EGLN3: variants seen among roughly 807,000 people sequenced by gnomAD.
EGLN3 encodes egl-9 family hypoxia inducible factor 3, also known as prolyl hydroxylase EGLN3.
Under a neutral mutation model 26.0 loss-of-function variants are expected in EGLN3, and 15 were observed. The observed-to-expected ratio is 0.58, with a 90% CI of 0.39 to 0.89. EGLN3 has a LOEUF of 0.89. EGLN3 is among the 40% of genes least tolerant of loss of function. The pLI is 0.00. For synonymous variants in EGLN3, 147 were observed against 127.2 expected (o/e 1.16, Z -1.05); for missense variants, 238 against 311.6 (o/e 0.76, Z 1.78).
At chr14:33,939,745 AG>A (rs2064469985) in intron 1 of EGLN3, among the ~76,000 whole-genome samples, 1 of 152,218 alleles carries the variant, frequency 6.6e-6, no homozygotes, top group Non-Finnish European at 1.5e-5. Flanking sequence ...CGCATGAAGT[AG>A]GAACATTATC....
At chr14:33,933,144 G>A (rs183459954) in intron 1 of EGLN3, among the ~76,000 whole-genome samples, 2 of 152,254 alleles carry the variant, frequency 1.3e-5, no homozygotes, top group Admixed American at 1.3e-4. Context: ...AACTAACTGT[G>A]ATCCCAGGCT....
chr14:33,936,236 T>TATAAATAAATAAATAAATAA (rs149218618), intron 1 of EGLN3, among the ~76,000 whole-genome samples: 8,182 of 150,026 alleles, frequency 0.055, 277 homozygotes, highest in East Asian at 0.14. Flanking sequence ...TCTCAAAAAA[T>TATAAATAAATAAATAAATAA]ATAAATAAAT....
At chr14:33,935,586 T>TAC (rs34931469) in intron 1 of EGLN3, among the ~76,000 whole-genome samples, 2,611 of 146,860 alleles carry the variant, frequency 0.018, 29 homozygotes, top group Middle Eastern at 0.035. Flanking sequence ...TATAAATAAA[T>TAC]ACACACACAC....
intron 3 of EGLN3, 124 bp from the exon 4 acceptor site, chr14:33,927,157 A>ATTTATTTAT (rs1318467859): frequency 1.0e-5 from 2 of 199,616 alleles, no homozygotes; most frequent in Non-Finnish European, 1.9e-5. Flanking sequence ...ACCCTGATTT[A>ATTTATTTAT]TTTATTTATT....
rs753508316 is a variant in EGLN3, at chr14:33,925,915, A to G, written c.696T>C (p.Thr232=). 1 of 1,609,128 alleles carries G rather than the reference A, an allele frequency of 6.2e-7. No homozygotes were observed. Among genetic ancestry groups the G allele is most frequent in the East Asian group, 2.2e-5 (1 of 44,754 alleles). Residue 232 remains threonine (T), a synonymous_variant, in exon 5 of 5, where the codon ACT becomes ACC. Coordinates refer to ENST00000250457, the MANE Select transcript of EGLN3 (RefSeq NM_022073.4). ...GTCAGTCTTCAGTGAGGGCAGATTC[A>G]GTTTTCCCTGGGTTGGGGACAGAAA... is the stretch of plus-strand genomic sequence containing the variant. ...KKKFRNLTRK[T]ESALTED is the part of the protein sequence containing the mutation.
At chr14:33,931,542 C>T (rs546585104) in intron 1 of EGLN3, among the ~76,000 whole-genome samples, 1 of 152,334 alleles carries the variant, frequency 6.6e-6, no homozygotes, top group East Asian at 1.9e-4. Flanking sequence ...TTCAATACTC[C>T]TTTTTGGAAA....
At chr14:33,932,466 GTTCAATGAATCAGC>G (rs2064411554) in intron 1 of EGLN3, among the ~76,000 whole-genome samples, 1 of 152,118 alleles carries the variant, frequency 6.6e-6, no homozygotes, top group Admixed American at 6.6e-5. Context: ...TGGGCTAGTG[GTTCAATGAATCAGC>G]TTCAACGTGG....
At chr14:33,949,355 A>G (rs1349225364) in intron 1 of EGLN3, 2 of 152,166 alleles carry the variant, frequency 1.3e-5, no homozygotes, top group Non-Finnish European at 2.9e-5. Flanking sequence ...TACTATATTT[A>G]TTGTCAAAGA....
intron 1 of EGLN3, among the ~76,000 whole-genome samples, chr14:33,936,769 G>GA (rs66651636): frequency 0.013 from 1,727 of 131,080 alleles, 10 homozygotes; most frequent in Middle Eastern, 0.032. Flanking sequence ...AAAGGCTGGA[G>GA]AAAAAAAAAA....
intron 4 of EGLN3, among the ~76,000 whole-genome samples, chr14:33,926,457 C>T (rs767000655): frequency 2.6e-5 from 4 of 152,098 alleles, no homozygotes; most frequent in Non-Finnish European, 5.9e-5. Context: ...ACCAAATTGG[C>T]AGGATTTGTG....
chr14:33,940,238 T>G (rs1311846549), intron 1 of EGLN3, among the ~76,000 whole-genome samples: 1 of 152,174 alleles, frequency 6.6e-6, no homozygotes, highest in African/African-American at 2.4e-5. Context: ...TCAAATGCAG[T>G]TGTCTTGCCA....
At chr14:33,930,689 G>T (rs2064396495) in intron 2 of EGLN3, among the ~76,000 whole-genome samples, 1 of 152,140 alleles carries the variant, frequency 6.6e-6, no homozygotes. Flanking sequence ...TCTTGGGGAT[G>T]GTTTTATAGC....
At chr14:33,935,502 A>G (rs762823343) in intron 1 of EGLN3, among the ~76,000 whole-genome samples, 8 of 151,960 alleles carry the variant, frequency 5.3e-5, no homozygotes, top group Non-Finnish European at 8.8e-5. Flanking sequence ...TTCAGATTTT[A>G]TGAGAGTAGC....
chr14:33,934,319 C>A (rs2064424931), intron 1 of EGLN3, among the ~76,000 whole-genome samples: 1 of 152,032 alleles, frequency 6.6e-6, no homozygotes, highest in African/African-American at 2.4e-5. Context: ...CATGTCCAGA[C>A]AACAAACGTA....
intron 2 of EGLN3, among the ~76,000 whole-genome samples, chr14:33,929,969 T>C (rs2064390303): frequency 6.6e-6 from 1 of 152,204 alleles, no homozygotes; most frequent in Non-Finnish European, 1.5e-5. Context: ...GGAAGTTACA[T>C]GCTCTTTTTA....
chr14:33,935,970 C>T (rs7156739), intron 1 of EGLN3, among the ~76,000 whole-genome samples: 7 of 151,822 alleles, frequency 4.6e-5, no homozygotes, highest in Admixed American at 2.0e-4. Context: ...CGGTGGCTCA[C>T]GCCTGTAATC....
In EGLN3 at chr14:33,931,153, G is replaced by A. The variant is rs372253057; in HGVS notation, c.420C>T (p.Asn140=). Residue 140 remains asparagine (N), a synonymous_variant, in exon 2 of 5, where the codon AAC becomes AAT. Coordinates refer to ENST00000250457, the MANE Select transcript of EGLN3 (RefSeq NM_022073.4). The part of the protein sequence containing the change: ...TGYVRHVDNP[N]GDGRCITCIY... ...TGCAGGTGATGCAGCGACCATCACC[G>A]TTGGGGTTGTCCACGTGGCGAACAT... is the stretch of plus-strand genomic sequence containing the variant. 4.5e-5 allele frequency: 73 copies of A among 1,614,054 alleles called. No individual in the cohort carries two copies. The highest frequency in any genetic ancestry group is 6.7e-5 in the Admixed American group (4 of 59,994).
At chr14:33,948,807 T>G (rs2064535971) in intron 1 of EGLN3, 1 of 152,132 alleles carries the variant, frequency 6.6e-6, no homozygotes, top group Non-Finnish European at 1.5e-5. Context: ...CACCTAAATT[T>G]ACAAGAAACA....
intron 1 of EGLN3, among the ~76,000 whole-genome samples, chr14:33,945,964 G>T (rs2064514721): frequency 6.6e-6 from 1 of 152,080 alleles, no homozygotes; most frequent in African/African-American, 2.4e-5. Context: ...CCTCCTTATT[G>T]TTTCCAGGGG....
Sources: allele counts gnomAD v4.1 joint callset (sites outside exome capture counted in the v4.1 genomes callset), GRCh38; gene constraint gnomAD v4.1.1; transcripts MANE v1.5; gene names NCBI Gene and HGNC (gene_info 2026-07-23, HGNC 2026-07-21).